COL23A1: variants seen among roughly 807,000 people sequenced by gnomAD.
COL23A1 encodes the protein collagen type XXIII alpha 1 chain, also known as collagen alpha-1(XXIII) chain.
Under a neutral mutation model 99.3 loss-of-function variants are expected in COL23A1, and 97 were observed. The ratio of observed to expected loss-of-function variants is 0.98; its 90% CI spans 0.83 to 1.16. The LOEUF is 1.16. Ranked by LOEUF, COL23A1 falls within the 50% of genes most tolerant of loss-of-function variation. The pLI, the probability that COL23A1 is intolerant of heterozygous loss-of-function variation, is 0.00. For missense variants in COL23A1, 762 were observed against 757.4 expected, an observed-to-expected ratio of 1.01 and a Z score of -0.07; for synonymous variants, 320 against 308.2, an observed-to-expected ratio of 1.04 and a Z score of -0.40.
intron 2 of COL23A1, among the ~76,000 whole-genome samples, chr5:178,530,096 T>C (rs1760559232): frequency 6.6e-6 from 1 of 152,190 alleles, no homozygotes. Flanking sequence ...ATAGGAACAC[T>C]GAATTTGAAA....
At position 178,387,196 on chromosome 5, in the gene COL23A1, C is replaced by T. The variant is rs896900724; in HGVS notation, c.362-80277G>A. Among the ~76,000 whole-genome samples, 7 of 152,068 alleles carry T rather than the reference C, an allele frequency of 4.6e-5. No individual in the cohort carries two copies. Among genetic ancestry groups the T allele is most frequent in the Non-Finnish European group, 1.0e-4 (7 of 68,000 alleles). On this transcript the variant is annotated intron_variant, in intron 2 of 28. Transcript: ENST00000390654. The surrounding 1 kb of genome is among the most constrained non-coding windows in gnomAD (Gnocchi z 4.7). ...GCTGACAGCTCACAGCAACCCTGCC[C>T]GAGTCTTCAATGGCCCCCACACACA...
rs867861823 is a variant in COL23A1, at chr5:178,541,679, A to G, written c.361+19003T>C. Among the ~76,000 whole-genome samples the G allele has an allele frequency of 7.2e-5, 11 of 152,356 alleles. No individual in the cohort carries two copies. In the South Asian group the frequency reaches 1.9e-3, roughly 26 times the overall value. ...CAGAAATGCATACGTATGTTCACTG[A>G]AAGACATATACTACATTGTTCGCAG... is the stretch of plus-strand genomic sequence containing the variant. On this transcript the variant is annotated intron_variant, in intron 2 of 28. Coordinates refer to ENST00000390654, the MANE Select transcript of COL23A1 (RefSeq NM_173465.4).
intron 2 of COL23A1, among the ~76,000 whole-genome samples, chr5:178,482,770 C>T (rs572265978): frequency 6.6e-6 from 1 of 152,160 alleles, no homozygotes; most frequent in Admixed American, 6.5e-5. Context: ...GGCGTGGTGG[C>T]GGGTGCCTGT....
chr5:178,285,383 CA>C (rs1042073660), intron 5 of COL23A1, among the ~76,000 whole-genome samples: 1 of 151,986 alleles, frequency 6.6e-6, no homozygotes, highest in Non-Finnish European at 1.5e-5. Context: ...TACTAAGCTA[CA>C]AAAAAACACA....
chr5:178,485,465 G>T (rs1047717827), intron 2 of COL23A1, among the ~76,000 whole-genome samples: 32 of 137,710 alleles, frequency 2.3e-4, no homozygotes, highest in Admixed American at 1.9e-3. Context: ...ACAAAAGTGA[G>T]ACCCTGTCTC....
At chr5:178,278,119 C>T (rs193048787) in intron 5 of COL23A1, among the ~76,000 whole-genome samples, 173 of 152,310 alleles carry the variant, frequency 1.1e-3, no homozygotes, top group African/African-American at 4.0e-3. Context: ...GAAGGGTGAC[C>T]GCCACAGCGT....
intron 2 of COL23A1, among the ~76,000 whole-genome samples, chr5:178,398,835 T>A (rs1316838637): frequency 6.6e-6 from 1 of 152,226 alleles, no homozygotes; most frequent in Non-Finnish European, 1.5e-5. Flanking sequence ...GCTAACAACA[T>A]GTCTCTCGTT....
At chr5:178,346,606 T>C (rs1309882604) in intron 2 of COL23A1, among the ~76,000 whole-genome samples, 1 of 152,196 alleles carries the variant, frequency 6.6e-6, no homozygotes, top group Admixed American at 6.5e-5. Context: ...CATGTTTCTA[T>C]GTATGCCCCT....
At position 178,238,133 on chromosome 5, in the gene COL23A1, C is replaced by T. The variant is rs1764209209; in HGVS notation, c.*565G>A. 6.5e-6 allele frequency: 1 copy of T among 154,388 alleles called. No homozygotes were observed. The highest frequency in any genetic ancestry group is 1.4e-5 in the Non-Finnish European group (1 of 69,008). 9.6% of individuals were successfully genotyped at this position (154,388 alleles called of 1,614,324 possible). A position where few individuals can be genotyped will look rare whatever the true frequency, so the allele number is the denominator to read the frequency against. On this transcript the variant is annotated 3_prime_UTR_variant, in exon 29 of 29. Transcript: ENST00000390654. ...CTCCTGAATGTGGTAGAGCTAGACCCTCGTGGGGGATTTCCACTCACTGCT... is the reference window on the plus strand; with the variant it reads ...CTCCTGAATGTGGTAGAGCTAGACCTTCGTGGGGGATTTCCACTCACTGCT...
chr5:178,388,753 T>C (rs1561928890), intron 2 of COL23A1, among the ~76,000 whole-genome samples: 2 of 152,210 alleles, frequency 1.3e-5, no homozygotes, highest in East Asian at 1.9e-4. Flanking sequence ...TGGCATCCGA[T>C]GCTGTCACTC....
intron 2 of COL23A1, among the ~76,000 whole-genome samples, chr5:178,448,997 A>T (rs1767332290): frequency 6.6e-6 from 1 of 151,560 alleles, no homozygotes; most frequent in African/African-American, 2.4e-5. Flanking sequence ...AATATATATA[A>T]AATAAAATAA....
At chr5:178,377,281 G>A (rs1763122209) in intron 2 of COL23A1, among the ~76,000 whole-genome samples, 1 of 152,240 alleles carries the variant, frequency 6.6e-6, no homozygotes. Context: ...CCCTGAACAT[G>A]CCATGTCTTT....
chr5:178,353,238 A>T (rs535619505), intron 2 of COL23A1, among the ~76,000 whole-genome samples: 1 of 149,370 alleles, frequency 6.7e-6, no homozygotes, highest in East Asian at 2.0e-4. Context: ...AATGGAGCAA[A>T]ATGAAGCTAT....
At position 178,401,385 on chromosome 5, in the gene COL23A1, T is replaced by C. The variant is rs543047894; in HGVS notation, c.362-94466A>G. Among the ~76,000 whole-genome samples, 4 of 152,364 alleles carry C rather than the reference T, an allele frequency of 2.6e-5. No homozygotes were observed. The South Asian group carries it at 6.2e-4, about 24-fold the overall frequency. The stretch of plus-strand genomic sequence containing the variant: ...GTAGTTCTGCCTCATAAGAATGTCA[T>C]AGAAATGAAGCATAAAGCATGTAGT... On this transcript the variant is annotated intron_variant, in intron 2 of 28. Coordinates refer to ENST00000390654, the MANE Select transcript of COL23A1 (RefSeq NM_173465.4).
Position 178,288,114 on chromosome 5 carries a change from G to A in COL23A1, c.441+210C>T, listed in dbSNP as rs539199789. Among the ~76,000 whole-genome samples the A allele has an allele frequency of 6.6e-5, 10 of 152,252 alleles. No homozygotes were observed. In the East Asian group the frequency reaches 1.7e-3, roughly 27 times the overall value. On this transcript the variant is annotated intron_variant, in intron 5 of 28. Transcript: ENST00000390654. ...TTCAGTGCCACCCAGACACCTGCTCGAGGTGCTCTGCCTTGCCTCCAGGGC... is the reference window on the plus strand; with the variant it reads ...TTCAGTGCCACCCAGACACCTGCTCAAGGTGCTCTGCCTTGCCTCCAGGGC...
chr5:178,562,260 A>C (rs899775395), intron 1 of COL23A1: 9 of 340,196 alleles, frequency 2.6e-5, no homozygotes. Context: ...AAAAAAAAAA[A>C]AAAAAAGAAT....
intron 3 of COL23A1, among the ~76,000 whole-genome samples, chr5:178,291,273 G>A (rs1294882475): frequency 1.3e-5 from 2 of 152,248 alleles, no homozygotes; most frequent in South Asian, 2.1e-4. Flanking sequence ...TACGTCCCAA[G>A]TATGAGCCAG....
chr5:178,530,545 C>T (rs1760588121), intron 2 of COL23A1, among the ~76,000 whole-genome samples: 1 of 152,196 alleles, frequency 6.6e-6, no homozygotes. Flanking sequence ...GAAAGTGACA[C>T]AGTGATACTG....
chr5:178,326,869 G>A (rs991446430), intron 2 of COL23A1, among the ~76,000 whole-genome samples: 11 of 152,172 alleles, frequency 7.2e-5, no homozygotes, highest in Admixed American at 3.3e-4. Flanking sequence ...ACAGGCGCCT[G>A]CCACCACGCC....
Sources: gnomAD v4.1 joint callset for allele counts (sites outside exome capture counted in the v4.1 genomes callset) on GRCh38, gnomAD v4.1.1 for gene constraint, Gnocchi (gnomAD v3.1) non-coding constraint, MANE v1.5 for transcripts, NCBI Gene and HGNC (gene_info 2026-07-23, HGNC 2026-07-21) for gene names.